GSAP: variants seen among roughly 807,000 people sequenced by gnomAD.
GSAP encodes the protein gamma-secretase-activating protein.
Under a neutral mutation model 131.7 loss-of-function variants are expected in GSAP, and 118 were observed. The ratio of observed to expected loss-of-function variants is 0.90; its 90% CI spans 0.77 to 1.04. GSAP has a LOEUF of 1.04. Ranked by LOEUF, GSAP falls within the 50% of genes least tolerant of loss-of-function variation. The pLI is 0.00. For synonymous variants in GSAP, 381 were observed against 363.4 expected (o/e 1.05, Z -0.55); for missense variants, 1,019 against 1,013.2 (o/e 1.01, Z -0.08).
chr7:77,314,522 C>A, intron 26 of GSAP, 33 bp from the exon 27 acceptor site: 1 of 1,612,206 alleles, frequency 6.2e-7, no homozygotes, highest in Non-Finnish European at 8.5e-7. Context: ...TAAACACAGT[C>A]AGCCAACATC....
At chr7:77,313,628 G>C in intron 27 of GSAP, 79 bp from the exon 28 acceptor site, 1 of 704,210 alleles carries the variant, frequency 1.4e-6, no homozygotes. Flanking sequence ...ATACTTGAGT[G>C]GTTCATCTTG....
At chr7:77,361,337 TA>T (rs1206864332) in intron 13 of GSAP, among the ~76,000 whole-genome samples, 6 of 152,230 alleles carry the variant, frequency 3.9e-5, no homozygotes, top group Non-Finnish European at 2.9e-5. Flanking sequence ...GTCGAGCTAA[TA>T]ACCTCAGTAT....
chr7:77,345,976 C>A (rs1035401760), intron 19 of GSAP, among the ~76,000 whole-genome samples: 2 of 152,108 alleles, frequency 1.3e-5, no homozygotes, highest in African/African-American at 4.8e-5. Context: ...GGGCTCTTAA[C>A]CTTAGGGGAA....
intron 29 of GSAP, 32 bp from the exon 30 acceptor site, chr7:77,311,972 A>G (rs17805805): frequency 0.11 from 137,897 of 1,301,444 alleles, 8,150 homozygotes; most frequent in Non-Finnish European, 0.12. Flanking sequence ...GTGTAAGCTG[A>G]TTCTCCACAA....
At chr7:77,374,827 C>T (rs928200159) in intron 11 of GSAP, among the ~76,000 whole-genome samples, 2 of 152,036 alleles carry the variant, frequency 1.3e-5, no homozygotes, top group Admixed American at 6.6e-5. Context: ...AATGGAGATG[C>T]ACTACAGAAA....
chr7:77,396,962 A>G lies in GSAP; in HGVS notation c.367+20T>C. On this transcript the variant is annotated intron_variant, in intron 5 of 30. Coordinates refer to ENST00000257626, the MANE Select transcript of GSAP (RefSeq NM_017439.4). Reference sequence around the variant, plus strand: ...TAACCTTCATCTACCCATAGGTACTAAAAAGTGTAATTTCATTACCTGGTT... The same window carrying G: ...TAACCTTCATCTACCCATAGGTACTGAAAAGTGTAATTTCATTACCTGGTT... 1 of 1,481,364 alleles carries G rather than the reference A, an allele frequency of 6.8e-7. No homozygotes were observed. Among genetic ancestry groups the G allele is most frequent in the Non-Finnish European group, 9.4e-7 (1 of 1,064,808 alleles). The allele number at this position is 1,481,364 out of a possible 1,614,324, so 91.8% of individuals were successfully genotyped here.
intron 3 of GSAP, among the ~76,000 whole-genome samples, chr7:77,403,876 CAAAG>C (rs1299912015): frequency 4.6e-5 from 7 of 152,068 alleles, no homozygotes; most frequent in Non-Finnish European, 8.8e-5. Context: ...AGAAGGAAAG[CAAAG>C]AAATATAATT....
Position 77,350,036 on chromosome 7 carries a change from A to G in GSAP, c.1492-632T>C, listed in dbSNP as rs1792551104. Among the ~76,000 whole-genome samples the G allele has an allele frequency of 2.6e-5, 4 of 152,194 alleles. No homozygotes were observed. In the East Asian group the frequency reaches 7.7e-4, roughly 29 times the overall value. On this transcript the variant is annotated intron_variant, in intron 18 of 30. Coordinates refer to ENST00000257626, the MANE Select transcript of GSAP (RefSeq NM_017439.4). ...GAACCAACCCAAATGTCCAACAATG[A>G]TAGACTGGATTAAGAAAATGTGGCA...
chr7:77,397,456 A>G (rs749714084), intron 3 of GSAP, 41 bp from the exon 4 acceptor site: 6 of 1,056,528 alleles, frequency 5.7e-6, no homozygotes, highest in African/African-American at 3.2e-5. Context: ...AGTTTCATAC[A>G]TTAAATAACA....
intron 14 of GSAP, 139 bp from the exon 15 acceptor site, chr7:77,355,786 C>CTT: frequency 6.6e-6 from 2 of 305,310 alleles, no homozygotes; most frequent in East Asian, 4.3e-5. Context: ...AATGACAGCC[C>CTT]GTTTTTTTTT....
chr7:77,351,482 T>C, intron 18 of GSAP: 2 of 975,868 alleles, frequency 2.0e-6, no homozygotes, highest in Non-Finnish European at 2.4e-6. Context: ...TCACAGCTAA[T>C]GATAAGCATA....
At chr7:77,356,705 C>T (rs977558726) in intron 14 of GSAP, among the ~76,000 whole-genome samples, 18 of 152,044 alleles carry the variant, frequency 1.2e-4, no homozygotes, top group Admixed American at 6.5e-4. Context: ...TGGAAGTAGC[C>T]CTTGCCAATA....
chr7:77,327,078 G>C (rs1788421752), intron 22 of GSAP: 1 of 152,198 alleles, frequency 6.6e-6, no homozygotes, highest in South Asian at 2.1e-4. Context: ...TCGTGATTGA[G>C]ATGAAACAAT....
intron 3 of GSAP, among the ~76,000 whole-genome samples, chr7:77,403,143 ACC>A (rs1452657871): frequency 3.3e-5 from 5 of 152,208 alleles, no homozygotes; most frequent in Non-Finnish European, 7.3e-5. Context: ...CTCTCAATCC[ACC>A]TTTTTAGAAT....
At chr7:77,336,386 C>CT (rs1183482727) in intron 19 of GSAP, among the ~76,000 whole-genome samples, 3 of 152,186 alleles carry the variant, frequency 2.0e-5, no homozygotes, top group Non-Finnish European at 4.4e-5. Context: ...ATCCTCCATC[C>CT]TGGGTCTGTT....
intron 19 of GSAP, among the ~76,000 whole-genome samples, chr7:77,339,060 C>T (rs768223958): frequency 2.6e-5 from 4 of 152,074 alleles, no homozygotes; most frequent in Non-Finnish European, 5.9e-5. Context: ...CACACTCTTA[C>T]GTAATTTGTG....
chr7:77,346,270 C>CAAAAAAAAAAAAAAAAAAAAA (rs1223497863), intron 19 of GSAP, among the ~76,000 whole-genome samples: 1 of 40,904 alleles, frequency 2.4e-5, no homozygotes, highest in African/African-American at 9.9e-5. Context: ...GACTCCATCT[C>CAAAAAAAAAAAAAAAAAAAAA]AAAAAAAAAA....
intron 17 of GSAP, 64 bp from the exon 18 acceptor site, chr7:77,353,090 T>C: frequency 1.1e-6 from 1 of 874,376 alleles, no homozygotes; most frequent in Non-Finnish European, 1.9e-6. Flanking sequence ...ATGACAGCAT[T>C]GTAATGCAAC....
intron 3 of GSAP, among the ~76,000 whole-genome samples, chr7:77,401,834 A>G (rs1209434414): frequency 1.3e-5 from 2 of 152,244 alleles, no homozygotes; most frequent in Non-Finnish European, 2.9e-5. Flanking sequence ...TCAAAAGGAG[A>G]TAATAGTTCC....
Sources: gnomAD v4.1 joint callset for allele counts (sites outside exome capture counted in the v4.1 genomes callset) on GRCh38, gnomAD v4.1.1 for gene constraint, MANE v1.5 for transcripts, NCBI Gene and HGNC (gene_info 2026-07-23, HGNC 2026-07-21) for gene names.